RAB27B: variants seen among roughly 807,000 people sequenced by gnomAD.
RAB27B encodes the protein ras-related protein Rab-27B.
Under a neutral mutation model 24.6 loss-of-function variants are expected in RAB27B, and 15 were observed. The observed-to-expected ratio is 0.61, with a 90% CI of 0.41 to 0.94. The LOEUF is 0.94. Among genes scored for constraint, RAB27B ranks in the 40% least tolerant of loss-of-function variants. The probability of loss-of-function intolerance (pLI) is 0.00; values close to 1 mark genes in which losing one functional copy is unlikely to be tolerated. For synonymous variants in RAB27B, 105 were observed against 92.5 expected (o/e 1.14, Z -0.78); for missense variants, 261 against 266.8 (o/e 0.98, Z 0.15).
intron 2 of RAB27B, among the ~76,000 whole-genome samples, chr18:54,741,113 A>T (rs1238187446): frequency 6.6e-6 from 1 of 152,214 alleles, no homozygotes; most frequent in Non-Finnish European, 1.5e-5. Flanking sequence ...TAATTTTCAA[A>T]GATAAGGTAA....
chr18:54,851,422 C>A (rs1288154575), intron 1 of RAB27B, among the ~76,000 whole-genome samples: 21 of 152,174 alleles, frequency 1.4e-4, no homozygotes, highest in Admixed American at 1.2e-3. Flanking sequence ...CAAAATCTAT[C>A]TTATGCATAT....
At chr18:54,813,459 G>A (rs981799311) in intron 2 of RAB27B, among the ~76,000 whole-genome samples, 7 of 152,224 alleles carry the variant, frequency 4.6e-5, no homozygotes, top group East Asian at 1.9e-4. Flanking sequence ...GAATGGCTTC[G>A]TGCCCTCCCC....
rs537012336 is a variant in RAB27B, at chr18:54,836,059, A to G, written c.-20+7359A>G. ...GAGGAGATGAAAAATGGATAAAGAC[A>G]GAACATACTGATCACTAGGTGCAGG... On this transcript the variant is annotated intron_variant, in intron 1 of 5. Coordinates refer to ENST00000262094, the MANE Select transcript of RAB27B (RefSeq NM_004163.4). 2.0e-5 allele frequency among the ~76,000 whole-genome samples: 3 copies of G among 152,114 alleles called. No homozygotes were observed. The East Asian group carries it at 5.8e-4, about 29-fold the overall frequency.
chr18:54,740,938 T>C (rs1266623092), intron 2 of RAB27B, among the ~76,000 whole-genome samples: 2 of 152,166 alleles, frequency 1.3e-5, no homozygotes. Flanking sequence ...TGAAAACATA[T>C]GACAAGACTA....
chr18:54,812,655 A>G (rs1052703565), intron 2 of RAB27B, among the ~76,000 whole-genome samples: 1 of 152,020 alleles, frequency 6.6e-6, no homozygotes, highest in Non-Finnish European at 1.5e-5. Flanking sequence ...ATTTTAACCT[A>G]GACAATTGCT....
chr18:54,800,367 C>T (rs1183420493), intron 2 of RAB27B, among the ~76,000 whole-genome samples: 3 of 152,196 alleles, frequency 2.0e-5, no homozygotes, highest in Non-Finnish European at 4.4e-5. Flanking sequence ...TGAAAGAACG[C>T]ATACATTTTT....
intron 2 of RAB27B, among the ~76,000 whole-genome samples, chr18:54,810,833 AAAAT>A (rs74180479): frequency 0.16 from 21,875 of 140,010 alleles, 2,147 homozygotes; most frequent in African/African-American, 0.27. Context: ...ACCCTGTCTC[AAAAT>A]AAATAAATAA....
chr18:54,873,697 GTGTGT>G (rs1912571466), intron 1 of RAB27B, among the ~76,000 whole-genome samples: 1 of 142,890 alleles, frequency 7.0e-6, no homozygotes, highest in African/African-American at 2.7e-5. Context: ...GTGTGTGTGT[GTGTGT>G]GTGTGTGTGT....
rs147028314 is a variant in RAB27B, at chr18:54,744,554, G to T, written c.-20+26413G>T. Among the ~76,000 whole-genome samples, 3 of 152,164 alleles carry T rather than the reference G, an allele frequency of 2.0e-5. No individual in the cohort carries two copies. The East Asian group carries it at 5.8e-4, about 29-fold the overall frequency. ...CAAATGACAAATGTTTGGGGTAATGGATATGATAATTATTCTTATTTGATC... is the reference window on the plus strand; with the variant it reads ...CAAATGACAAATGTTTGGGGTAATGTATATGATAATTATTCTTATTTGATC... On this transcript the variant is annotated intron_variant, in intron 2 of 4. Transcript: ENST00000586570.
chr18:54,795,749 C>G (rs1359033494), intron 2 of RAB27B, among the ~76,000 whole-genome samples: 2 of 152,042 alleles, frequency 1.3e-5, no homozygotes, highest in Non-Finnish European at 2.9e-5. Context: ...AAACTTGTCT[C>G]TAAGACTATT....
intron 1 of RAB27B, among the ~76,000 whole-genome samples, chr18:54,875,018 A>T (rs756270460): frequency 3.3e-5 from 5 of 152,186 alleles, no homozygotes; most frequent in African/African-American, 4.8e-5. Flanking sequence ...TCAATGATAC[A>T]GTCCTGGTAA....
chr18:54,832,717 A>G (rs1910733116), intron 1 of RAB27B, among the ~76,000 whole-genome samples: 1 of 152,174 alleles, frequency 6.6e-6, no homozygotes, highest in Non-Finnish European at 1.5e-5. Flanking sequence ...AGAGAGTGTC[A>G]TCATGAACCT....
At chr18:54,764,700 T>TAATTTA (rs1407886000) in intron 2 of RAB27B, among the ~76,000 whole-genome samples, 1 of 152,216 alleles carries the variant, frequency 6.6e-6, no homozygotes, top group East Asian at 1.9e-4. Flanking sequence ...ATCTTAGGTC[T>TAATTTA]AAACTTGGAT....
chr18:54,877,811 T>G, intron 2 of RAB27B, 73 bp downstream of exon 2: 1 of 1,436,136 alleles, frequency 7.0e-7, no homozygotes, highest in Non-Finnish European at 9.3e-7. Context: ...AAGCTATGTT[T>G]ATTGCATTGG....
intron 1 of RAB27B, 77 bp from the exon 2 acceptor site, chr18:54,877,490 T>C: frequency 8.6e-7 from 1 of 1,159,438 alleles, no homozygotes; most frequent in Non-Finnish European, 1.1e-6. Flanking sequence ...GAAAATTAAA[T>C]TTATGTCATA....
intron 1 of RAB27B, among the ~76,000 whole-genome samples, chr18:54,866,382 G>T (rs539449457): frequency 6.6e-6 from 1 of 151,638 alleles, no homozygotes; most frequent in Non-Finnish European, 1.5e-5. Context: ...CGCAACCTCC[G>T]CTTCCTGGTT....
chr18:54,856,896 T>C (rs1911805932), intron 1 of RAB27B, among the ~76,000 whole-genome samples: 1 of 152,054 alleles, frequency 6.6e-6, no homozygotes, highest in Non-Finnish European at 1.5e-5. Context: ...TTGTGAACTC[T>C]AATTCCAATG....
rs538560245 is a variant in RAB27B, at chr18:54,720,434, G to A, written c.-20+2293G>A. Reference sequence around the variant, plus strand: ...TCTCATTCCACCGATTTCACCAACAGCAGTACTTTTCCATCCAAAAAGACA... The same window carrying A: ...TCTCATTCCACCGATTTCACCAACAACAGTACTTTTCCATCCAAAAAGACA... On this transcript the variant is annotated intron_variant, in intron 2 of 4. Transcript: ENST00000586570. Among the ~76,000 whole-genome samples, 61 of 152,158 alleles carry A rather than the reference G, an allele frequency of 4.0e-4. No homozygotes were observed. The South Asian group carries it at 0.013, about 32-fold the overall frequency.
chr18:54,796,399 T>TTC lies in RAB27B; in HGVS notation c.-20+78258_-20+78259insTC, dbSNP rs1328001806. 1.4e-4 allele frequency among the ~76,000 whole-genome samples: 21 copies of TTC among 152,298 alleles called. No homozygotes were observed. In the East Asian group the frequency reaches 4.1e-3, roughly 29 times the overall value. On this transcript the variant is annotated intron_variant, in intron 2 of 4. Transcript: ENST00000586570. ...GTATGACAGCTGTCTGTATCCTGAGTGTTTGCCCAGTGTACCAGAAAAATC... is the reference window on the plus strand; with the variant it reads ...GTATGACAGCTGTCTGTATCCTGAGTTCGTTTGCCCAGTGTACCAGAAAAATC...
Sources: allele counts gnomAD v4.1 joint callset (sites outside exome capture counted in the v4.1 genomes callset), GRCh38; gene constraint gnomAD v4.1.1; transcripts MANE v1.5; gene names NCBI Gene and HGNC (gene_info 2026-07-23, HGNC 2026-07-21).